Variants in PTPRD observed in about 807,000 individuals in gnomAD.
The protein encoded by PTPRD is receptor-type tyrosine-protein phosphatase delta.
PTPRD carries 34 observed loss-of-function variants against 214.5 expected under a neutral mutation model. The observed-to-expected ratio is 0.16, with a 90% confidence interval of 0.12 to 0.21. PTPRD has a LOEUF of 0.21. Among genes scored for constraint, PTPRD ranks in the 10% least tolerant of loss-of-function variants. The probability of loss-of-function intolerance (pLI) is 1.00; values close to 1 mark genes in which losing one functional copy is unlikely to be tolerated. For missense variants in PTPRD, 2,545 were observed against 2,398.7 expected (o/e 1.06, Z -1.27); for synonymous variants, 1,128 against 845.7 (o/e 1.33, Z -5.79).
At chr9:8,866,520 A>G (rs2098198688) in intron 11 of PTPRD, among the ~76,000 whole-genome samples, 1 of 152,140 alleles carries the variant, frequency 6.6e-6, no homozygotes, top group South Asian at 2.1e-4. Context: ...CCCATGCTAA[A>G]AAAAACCTCA....
chr9:9,999,891 G>T (rs115555585), intron 4 of PTPRD, among the ~76,000 whole-genome samples: 2,558 of 152,286 alleles, frequency 0.017, 89 homozygotes, highest in African/African-American at 0.059. Flanking sequence ...GAAGGATCTT[G>T]TTTGGTAAAT....
chr9:9,167,505 A>T (rs2099906555), intron 10 of PTPRD, among the ~76,000 whole-genome samples: 1 of 152,132 alleles, frequency 6.6e-6, no homozygotes, highest in African/African-American at 2.4e-5. Context: ...CTGTAATCTT[A>T]GTACTTTGGG....
At chr9:9,695,810 G>C (rs979944375) in intron 7 of PTPRD, among the ~76,000 whole-genome samples, 3 of 152,088 alleles carry the variant, frequency 2.0e-5, no homozygotes, top group Admixed American at 2.0e-4. Flanking sequence ...CTAATATTTT[G>C]TTGAGGATGT....
chr9:9,302,530 T>C (rs1176901765), intron 9 of PTPRD, among the ~76,000 whole-genome samples: 1 of 151,486 alleles, frequency 6.6e-6, no homozygotes, highest in Non-Finnish European at 1.5e-5. Context: ...TGTTCCGCCT[T>C]CCCCACTCTC....
At chr9:10,343,016 T>C (rs769747233) in intron 2 of PTPRD, among the ~76,000 whole-genome samples, 1 of 152,202 alleles carries the variant, frequency 6.6e-6, no homozygotes, top group Non-Finnish European at 1.5e-5. Context: ...CTAGGGTACA[T>C]GTGCACAACG....
intron 11 of PTPRD, among the ~76,000 whole-genome samples, chr9:8,848,067 A>G (rs2154540396): frequency 6.6e-6 from 1 of 152,188 alleles, no homozygotes; most frequent in African/African-American, 2.4e-5. Flanking sequence ...TCTTGGTGGA[A>G]ATATTTCATT....
intron 37 of PTPRD, among the ~76,000 whole-genome samples, chr9:8,380,789 C>T (rs1355527794): frequency 6.6e-6 from 1 of 152,096 alleles, no homozygotes; most frequent in Non-Finnish European, 1.5e-5. Flanking sequence ...TTTTTACTCC[C>T]ATATGGCTTA....
At chr9:10,381,329 A>G (rs2097820731) in intron 2 of PTPRD, among the ~76,000 whole-genome samples, 1 of 152,018 alleles carries the variant, frequency 6.6e-6, no homozygotes, top group African/African-American at 2.4e-5. Flanking sequence ...GTTTTGCTGC[A>G]ATAGCAGGTA....
chr9:8,736,725 G>C (rs1009200903), intron 11 of PTPRD, among the ~76,000 whole-genome samples: 2 of 150,914 alleles, frequency 1.3e-5, no homozygotes, highest in African/African-American at 4.9e-5. Context: ...TAAACAGTGG[G>C]TTGGCATGAA....
intron 4 of PTPRD, among the ~76,000 whole-genome samples, chr9:10,010,776 G>C (rs1392248820): frequency 6.6e-6 from 1 of 151,942 alleles, no homozygotes; most frequent in Non-Finnish European, 1.5e-5. Flanking sequence ...GAGACCAAAA[G>C]AATGCTATGA....
rs1303658484 is a variant in PTPRD at position 10,305,392 on chromosome 9, A to G, written c.-545+35571T>C. ...ACACCAAAAGCAATGGCAAAAAAAA[A>G]AAAAAAAAAAAGCCAAAATTGACAA... On this transcript the variant is annotated intron_variant, in intron 3 of 45. Transcript: ENST00000381196. Among the ~76,000 whole-genome samples, 14 of 150,310 alleles carry G rather than the reference A, an allele frequency of 9.3e-5. No individual in the cohort carries two copies. In the East Asian group the frequency reaches 2.7e-3, roughly 29 times the overall value.
intron 3 of PTPRD, among the ~76,000 whole-genome samples, chr9:10,140,244 CAAAT>C (rs2098974243): frequency 6.6e-6 from 1 of 151,758 alleles, no homozygotes; most frequent in Admixed American, 6.6e-5. Flanking sequence ...AAGCAAAAAA[CAAAT>C]AACCCCATGA....
chr9:10,545,978 G>C (rs888957216), intron 2 of PTPRD, among the ~76,000 whole-genome samples: 1 of 151,978 alleles, frequency 6.6e-6, no homozygotes, highest in Non-Finnish European at 1.5e-5. Flanking sequence ...TAGCACATTC[G>C]ACTATATAAG....
intron 3 of PTPRD, among the ~76,000 whole-genome samples, chr9:10,190,327 A>G (rs1025256665): frequency 1.4e-5 from 2 of 138,088 alleles, no homozygotes; most frequent in Admixed American, 7.9e-5. Flanking sequence ...ATCCAAGATC[A>G]TGCAATCATG....
intron 11 of PTPRD, among the ~76,000 whole-genome samples, chr9:8,822,255 C>T (rs980015176): frequency 6.6e-6 from 1 of 152,082 alleles, no homozygotes; most frequent in Non-Finnish European, 1.5e-5. Context: ...GATTTTTGCC[C>T]CTGGAACATT....
intron 8 of PTPRD, among the ~76,000 whole-genome samples, chr9:9,517,624 T>G (rs2096869638): frequency 6.6e-6 from 1 of 152,042 alleles, no homozygotes; most frequent in South Asian, 2.1e-4. Flanking sequence ...CAGTGAAACA[T>G]TAGAATCCAA....
chr9:9,790,095 GTAGA>G (rs2098956808), intron 5 of PTPRD, among the ~76,000 whole-genome samples: 1 of 152,118 alleles, frequency 6.6e-6, no homozygotes, highest in African/African-American at 2.4e-5. Flanking sequence ...TAATTTTAAT[GTAGA>G]GGTGGGAATA....
chr9:9,928,371 G>A (rs1253629811), intron 5 of PTPRD, among the ~76,000 whole-genome samples: 2 of 152,100 alleles, frequency 1.3e-5, no homozygotes, highest in African/African-American at 4.8e-5. Context: ...ATTATCTTGA[G>A]TTTTTGTCCA....
At chr9:8,598,934 A>G (rs1018533812) in intron 14 of PTPRD, among the ~76,000 whole-genome samples, 26 of 152,198 alleles carry the variant, frequency 1.7e-4, no homozygotes, top group Admixed American at 1.0e-3. Context: ...AAAAGGAGAC[A>G]AAGGTTGAAC....
Sources: gnomAD v4.1 joint callset for allele counts (sites outside exome capture counted in the v4.1 genomes callset) on GRCh38, gnomAD v4.1.1 for gene constraint, MANE v1.5 for transcripts, NCBI Gene and HGNC (gene_info 2026-07-23, HGNC 2026-07-21) for gene names.